DACH2: variants seen among roughly 807,000 people sequenced by gnomAD.
DACH2 encodes dachshund family transcription factor 2.
DACH2 carries 17 observed loss-of-function variants against 35.8 expected under a neutral mutation model. The observed-to-expected ratio is 0.48, with a 90% CI of 0.33 to 0.71. The LOEUF is 0.71. DACH2 is among the 30% of genes least tolerant of loss of function. DACH2 has a pLI of 0.02. For missense variants in DACH2, 469 were observed against 472.7 expected, an observed-to-expected ratio of 0.99 and a Z score of 0.07; for synonymous variants, 195 against 177.3, an observed-to-expected ratio of 1.10 and a Z score of -0.79.
intron 2 of DACH2, among the ~76,000 whole-genome samples, chrX:86,462,375 G>A (rs1344445103): frequency 9.0e-6 from 1 of 111,560 alleles, no homozygotes; most frequent in Non-Finnish European, 1.9e-5. Context: ...AAATGCAAAT[G>A]ATGATGGGAA....
intron 2 of DACH2, among the ~76,000 whole-genome samples, chrX:86,439,013 G>A (rs1271764313): frequency 1.8e-5 from 2 of 111,363 alleles, no homozygotes; most frequent in Non-Finnish European, 3.8e-5. Flanking sequence ...TCCTACCAAC[G>A]GTGAATAAGA....
At chrX:86,525,408 A>T (rs143325553) in intron 3 of DACH2, among the ~76,000 whole-genome samples, 7,594 of 111,369 alleles carry the variant, frequency 0.068, 668 homozygotes, top group African/African-American at 0.23. Flanking sequence ...AGTAGTTTAC[A>T]TGTGGGGCAG....
intron 4 of DACH2, among the ~76,000 whole-genome samples, chrX:86,675,770 A>C (rs2040819421): frequency 9.0e-6 from 1 of 111,474 alleles, no homozygotes; most frequent in African/African-American, 3.3e-5. Flanking sequence ...TTTTTACTTA[A>C]AAGTATACAA....
intron 3 of DACH2, among the ~76,000 whole-genome samples, chrX:86,551,527 G>C (rs1415253110): frequency 8.9e-6 from 1 of 111,859 alleles, no homozygotes; most frequent in Admixed American, 9.5e-5. Flanking sequence ...AGGATTACTA[G>C]CATTGCTAAA....
At chrX:86,246,270 C>T (rs1295799661) in intron 1 of DACH2, among the ~76,000 whole-genome samples, 2 of 70,204 alleles carry the variant, frequency 2.8e-5, no homozygotes, top group Non-Finnish European at 4.9e-5. Flanking sequence ...TGAAAAATTT[C>T]CCAAACTTGC....
intron 3 of DACH2, among the ~76,000 whole-genome samples, chrX:86,563,062 G>A (rs1397981089): frequency 9.1e-6 from 1 of 110,415 alleles, no homozygotes; most frequent in Non-Finnish European, 1.9e-5. Flanking sequence ...GATTGGTCTA[G>A]GTTTCTTAAG....
At chrX:86,257,275 G>A (rs1004685026) in intron 1 of DACH2, among the ~76,000 whole-genome samples, 1 of 111,554 alleles carries the variant, frequency 9.0e-6, no homozygotes, top group African/African-American at 3.3e-5. Context: ...TAGGCAATGT[G>A]CTAAACTCTT....
At chrX:86,739,992 T>A in intron 7 of DACH2, 110 bp downstream of exon 7, 1 of 738,036 alleles carries the variant, frequency 1.4e-6, no homozygotes, top group Non-Finnish European at 1.9e-6. Flanking sequence ...CTCCTTAATA[T>A]AAATAGCTTT....
intron 1 of DACH2, among the ~76,000 whole-genome samples, chrX:86,256,128 C>G (rs951410125): frequency 9.0e-6 from 1 of 110,923 alleles, no homozygotes; most frequent in Non-Finnish European, 1.9e-5. Context: ...TAACAAAAAA[C>G]AAAACTAGTG....
At chrX:86,388,353 A>G in intron 2 of DACH2, among the ~76,000 whole-genome samples, 1 of 112,094 alleles carries the variant, frequency 8.9e-6, no homozygotes, top group Middle Eastern at 4.6e-3. Context: ...TGAAGCTTTG[A>G]TGGGGGTGGC....
At chrX:86,685,092 T>C (rs977334593) in intron 4 of DACH2, among the ~76,000 whole-genome samples, 13 of 111,905 alleles carry the variant, frequency 1.2e-4, no homozygotes, top group African/African-American at 4.2e-4. Context: ...CTACATTGAG[T>C]AGAAGTATCA....
chrX:86,309,101 C>A (rs1216227463), intron 1 of DACH2, among the ~76,000 whole-genome samples: 1 of 111,989 alleles, frequency 8.9e-6, no homozygotes, highest in Non-Finnish European at 1.9e-5. Flanking sequence ...AAAACAATAT[C>A]ACATCCCTGG....
intron 2 of DACH2, among the ~76,000 whole-genome samples, chrX:86,430,642 T>A (rs1434770123): frequency 1.8e-5 from 2 of 112,187 alleles, no homozygotes; most frequent in African/African-American, 3.2e-5. Flanking sequence ...ATAAGGCCAT[T>A]TCCTACAGCC....
intron 3 of DACH2, among the ~76,000 whole-genome samples, chrX:86,521,185 C>T (rs184505336): frequency 9.0e-6 from 1 of 111,711 alleles, no homozygotes; most frequent in Non-Finnish European, 1.9e-5. Context: ...ATATGAAATT[C>T]TTCGTTGAAG....
At chrX:86,282,717 C>T (rs897410810) in intron 1 of DACH2, among the ~76,000 whole-genome samples, 14 of 104,352 alleles carry the variant, frequency 1.3e-4, no homozygotes, top group Non-Finnish European at 2.1e-4. Flanking sequence ...AACAAATTTA[C>T]AAGAAACAAA....
chrX:86,508,884 A>G (rs1418538760), intron 2 of DACH2, among the ~76,000 whole-genome samples: 1 of 112,055 alleles, frequency 8.9e-6, no homozygotes, highest in East Asian at 2.8e-4. Context: ...CTATGCCATC[A>G]GATTTCTTTT....
chrX:86,702,079 A>C (rs768549523), intron 5 of DACH2, among the ~76,000 whole-genome samples: 1 of 112,001 alleles, frequency 8.9e-6, no homozygotes, highest in African/African-American at 3.2e-5. Context: ...ATATCTTATC[A>C]GGCCACAGTG....
At chrX:86,284,630 A>T (rs1243784033) in intron 1 of DACH2, among the ~76,000 whole-genome samples, 1 of 99,326 alleles carries the variant, frequency 1.0e-5, no homozygotes, top group African/African-American at 4.2e-5. Flanking sequence ...ATGAGTTTGG[A>T]AGCATTCTTC....
intron 3 of DACH2, among the ~76,000 whole-genome samples, chrX:86,650,359 A>G (rs1295689618): frequency 9.0e-6 from 1 of 111,224 alleles, no homozygotes; most frequent in Non-Finnish European, 1.9e-5. Context: ...TAGAAAGAAT[A>G]CCTGAAGTCT....
Sources: allele counts gnomAD v4.1 joint callset (sites outside exome capture counted in the v4.1 genomes callset), GRCh38; gene constraint gnomAD v4.1.1; transcripts MANE v1.5; gene names NCBI Gene and HGNC (gene_info 2026-07-23, HGNC 2026-07-21).